The following PLCD3 variants were observed in gnomAD, a reference collection of about 807,000 sequenced individuals.
PLCD3 encodes the protein phospholipase C delta 3, also known as 1-phosphatidylinositol 4,5-bisphosphate phosphodiesterase delta-3.
Under a neutral mutation model 82.8 loss-of-function variants are expected in PLCD3, and 62 were observed. The observed-to-expected ratio is 0.75, with a 90% CI of 0.61 to 0.93. PLCD3 has a LOEUF of 0.93. Ranked by LOEUF, PLCD3 falls within the 40% of genes least tolerant of loss-of-function variation. The pLI is 0.00. For synonymous variants in PLCD3, 478 were observed against 471.8 expected, an observed-to-expected ratio of 1.01 and a Z score of -0.17; for missense variants, 1,023 against 1,103.4, an observed-to-expected ratio of 0.93 and a Z score of 1.03.
At position 45,112,415 on chromosome 17, in the gene PLCD3, T is replaced by C. The variant is rs2054250109; in HGVS notation, c.*201A>G. On this transcript the variant is annotated 3_prime_UTR_variant, in exon 15 of 15. Transcript: ENST00000619929. ...AGGGTTGGAGCTCACTGAAGTCACATGAACACCTTTCTGTTCTTCAGGAGG... is the reference window on the plus strand; with the variant it reads ...AGGGTTGGAGCTCACTGAAGTCACACGAACACCTTTCTGTTCTTCAGGAGG... The C allele has an allele frequency of 1.6e-6, 1 of 617,900 alleles. No individual in the cohort carries two copies. Among genetic ancestry groups the C allele is most frequent in the Non-Finnish European group, 2.9e-6 (1 of 349,198 alleles). 38.3% of individuals were successfully genotyped at this position (617,900 alleles called of 1,614,324 possible).
chr17:45,112,409 G>A lies in PLCD3; in HGVS notation c.*207C>T. On this transcript the variant is annotated 3_prime_UTR_variant, in exon 15 of 15. Transcript: ENST00000619929. The stretch of plus-strand genomic sequence containing the variant: ...GGCCCCAGGGTTGGAGCTCACTGAA[G>A]TCACATGAACACCTTTCTGTTCTTC... 1.7e-6 allele frequency: 1 copy of A among 602,934 alleles called. No individual in the cohort carries two copies. Among genetic ancestry groups the A allele is most frequent in the East Asian group, 2.8e-5 (1 of 35,284 alleles). The allele number at this position is 602,934 out of a possible 1,614,324, so 37.3% of individuals were successfully genotyped here. A position where few individuals can be genotyped will look rare whatever the true frequency, so the allele number is the denominator to read the frequency against.
At position 45,115,504 on chromosome 17, in the gene PLCD3, C is replaced by T. The variant is rs757102441; in HGVS notation, c.1414-14G>A. On this transcript the variant is annotated splice_polypyrimidine_tract_variant and intron_variant, in intron 8 of 14. Transcript: ENST00000619929. ...GCCCTTCAGCTGCTGTGGGGGCCAA[C>T]GTGGAGGATGAAGGGTTAGGCCTTC... The T allele has an allele frequency of 6.9e-6, 11 of 1,600,586 alleles. No homozygotes were observed. The highest frequency in any genetic ancestry group is 3.4e-5 in the Admixed American group (2 of 58,982).
At chr17:45,131,474 T>G (rs2054445380) in intron 1 of PLCD3, among the ~76,000 whole-genome samples, 2 of 152,184 alleles carry the variant, frequency 1.3e-5, no homozygotes, top group South Asian at 4.1e-4. Flanking sequence ...GCCCATGTGG[T>G]GGGGCACCAC....
At chr17:45,120,525 C>A in intron 3 of PLCD3, 71 bp from the exon 4 acceptor site, 1 of 1,601,610 alleles carries the variant, frequency 6.2e-7, no homozygotes, top group South Asian at 1.1e-5. Flanking sequence ...GCTGGTAAGT[C>A]ACCCCCACCT....
Position 45,114,340 on chromosome 17 carries a change from G to A in PLCD3, c.1738C>T (p.Arg580Cys), listed in dbSNP as rs960505327. 6.5e-6 allele frequency: 10 copies of A among 1,549,048 alleles called. No homozygotes were observed. The highest frequency in any genetic ancestry group is 1.7e-4 in the Middle Eastern group (1 of 5,970). ...AGNSFVRHNARQLTRVYPLGL... is the reference protein window; with the variant it reads ...AGNSFVRHNACQLTRVYPLGL... Reference sequence around the variant, plus strand: ...AGCGGGTACACGCGGGTCAGCTGGCGGGCATTGTGCCTGACAAAGCTGTTC... The same window carrying A: ...AGCGGGTACACGCGGGTCAGCTGGCAGGCATTGTGCCTGACAAAGCTGTTC... The change falls in exon 11 of 15, where the codon CGC (arginine) becomes TGC (cysteine). Residue 580 changes from arginine to cysteine, a missense_variant. By Grantham distance (180) the Arg-to-Cys change is radical. Around this residue, in one of 3 missense-constraint regions of PLCD3, gnomAD observed 553 missense variants for 655.7 expected, o/e 0.84. Coordinates refer to ENST00000619929, the MANE Select transcript of PLCD3 (RefSeq NM_133373.5).
At position 45,115,474 on chromosome 17, in the gene PLCD3, A is replaced by ACC; in HGVS notation, c.1428_1429dup (p.Val477GlyfsTer4). 2 of 1,610,484 alleles carry ACC rather than the reference A, an allele frequency of 1.2e-6. No individual in the cohort carries two copies. The highest frequency in any genetic ancestry group is 1.7e-6 in the Non-Finnish European group (2 of 1,178,716). On this transcript the variant is annotated frameshift_variant, in exon 9 of 15. Coordinates refer to ENST00000619929, the MANE Select transcript of PLCD3 (RefSeq NM_133373.5). LOFTEE classifies it high-confidence loss of function. ...GGGCAACTTCTTTCCCTTCACCAGG[A>ACC]CCCGGCCCTTCAGCTGCTGTGGGGG... is the stretch of plus-strand genomic sequence containing the variant.
chr17:45,121,405 C>A, intron 1 of PLCD3, 33 bp from the exon 2 acceptor site: 2 of 1,467,656 alleles, frequency 1.4e-6, no homozygotes, highest in South Asian at 2.7e-5. Context: ...GGCGTCAGGC[C>A]GTACCTGCCC....
intron 1 of PLCD3, among the ~76,000 whole-genome samples, chr17:45,124,040 C>T (rs959812978): frequency 4.7e-5 from 7 of 150,094 alleles, no homozygotes; most frequent in African/African-American, 1.2e-4. Context: ...GAGCCTGCAG[C>T]GCCACTACAC....
chr17:45,115,290 C>G lies in PLCD3; in HGVS notation c.1561-46G>C, dbSNP rs1474731737. On this transcript the variant is annotated intron_variant, in intron 9 of 14. Transcript: ENST00000619929. ...GGGTTCAGCTGGCCCCCGCTTCCCA[C>G]ATCCGTCCTCCCACCTTCCCCCCCT... The G allele has an allele frequency of 2.6e-6, 4 of 1,529,136 alleles. No individual in the cohort carries two copies. In the African/African-American group the frequency reaches 5.5e-5, roughly 21 times the overall value. 94.7% of individuals were successfully genotyped at this position (1,529,136 alleles called of 1,614,324 possible).
In PLCD3 at chr17:45,113,017, G is replaced by A. The variant is rs1163936744; in HGVS notation, c.2132-5C>T. On this transcript the variant is annotated splice_region_variant and splice_polypyrimidine_tract_variant and intron_variant, in intron 13 of 14. Coordinates refer to ENST00000619929, the MANE Select transcript of PLCD3 (RefSeq NM_133373.5). The stretch of plus-strand genomic sequence containing the variant: ...GCCCCCAGCGGGGGTTGAAGCCTAG[G>A]GCACAGGGATGGCAGTCAGAGCCCA... 6.2e-7 allele frequency: 1 copy of A among 1,603,276 alleles called. No individual in the cohort carries two copies. The highest frequency in any genetic ancestry group is 8.5e-7 in the Non-Finnish European group (1 of 1,173,398).
chr17:45,109,643 CT>C lies in PLCD3; in HGVS notation c.*2972del, dbSNP rs1200019571. The C allele has an allele frequency of 1.3e-5, 2 of 152,486 alleles. No homozygotes were observed. Among genetic ancestry groups the C allele is most frequent in the African/African-American group, 4.8e-5 (2 of 41,476 alleles). The allele number at this position is 152,486 out of a possible 1,614,324, so 9.4% of individuals were successfully genotyped here. A position where few individuals can be genotyped will look rare whatever the true frequency, so the allele number is the denominator to read the frequency against. ...AGAGGACACAGGACCTGCCTGACCC[CT>C]CTAAAGCCCCCCAACCCTCCTGTCC... On this transcript the variant is annotated 3_prime_UTR_variant, in exon 15 of 15. Transcript: ENST00000619929.
Position 45,112,955 on chromosome 17 carries a change from G to A in PLCD3, c.2189C>T (p.Ala730Val). The A allele has an allele frequency of 6.2e-7, 1 of 1,612,710 alleles. No homozygotes were observed. Among genetic ancestry groups the A allele is most frequent in the South Asian group, 1.1e-5 (1 of 90,832 alleles). ...ATCTTCCACCACAAACCGGACCAGT[G>A]CCAGCTCCGGAGCCCGCAGCTGGAA... ...LQFQLRAPELALVRFVVEDYD... is the reference protein window; with the variant it reads ...LQFQLRAPELVLVRFVVEDYD... The change falls in exon 14 of 15, where the codon GCA becomes GTA. Residue 730 changes from alanine (A) to valine (V), a missense_variant. By Grantham distance (64) the Ala-to-Val change is moderately conservative (BLOSUM62 0). Transcript: ENST00000619929.
rs1422489281 is a variant in PLCD3 at position 45,118,139 on chromosome 17, C to G, written c.1116-1G>C. On this transcript the variant is annotated splice_acceptor_variant, in intron 6 of 14. Coordinates refer to ENST00000619929, the MANE Select transcript of PLCD3 (RefSeq NM_133373.5). LOFTEE classifies it high-confidence loss of function. This position sits in a 1 kb window ranked among gnomAD's most constrained non-coding sequence, Gnocchi z 4.1. ...GCAGCGGCATCCCTGGGCAAAGGCCCTGTGTGTGGACAGATGGGTGGACGG... is the reference window on the plus strand; with the variant it reads ...GCAGCGGCATCCCTGGGCAAAGGCCGTGTGTGTGGACAGATGGGTGGACGG... The G allele has an allele frequency of 6.2e-7, 1 of 1,614,000 alleles. No individual in the cohort carries two copies. The highest frequency in any genetic ancestry group is 1.1e-5 in the South Asian group (1 of 91,080).
rs761029644 is a variant in PLCD3 at position 45,115,474 on chromosome 17, A to T, written c.1430T>A (p.Val477Asp). 1 of 1,610,484 alleles carries T rather than the reference A, an allele frequency of 6.2e-7. No individual in the cohort carries two copies. Among genetic ancestry groups the T allele is most frequent in the Non-Finnish European group, 8.5e-7 (1 of 1,178,716 alleles). Residue 477 changes from valine to aspartate, a missense_variant, in exon 9 of 15, where the codon GTC (valine) becomes GAC (aspartate). Around this residue, in one of 3 missense-constraint regions of PLCD3, gnomAD observed 553 missense variants for 655.7 expected, o/e 0.84. Coordinates refer to ENST00000619929, the MANE Select transcript of PLCD3 (RefSeq NM_133373.5). ...GGGCAACTTCTTTCCCTTCACCAGG[A>T]CCCGGCCCTTCAGCTGCTGTGGGGG... ...LPSPEQLKGR[V>D]LVKGKKLPAA...
chr17:45,115,190 G>T lies in PLCD3; in HGVS notation c.1615C>A (p.Arg539Ser). 6.3e-7 allele frequency: 1 copy of T among 1,584,548 alleles called. No individual in the cohort carries two copies. The highest frequency in any genetic ancestry group is 1.3e-5 in the African/African-American group (1 of 74,604). Reference protein sequence around the residue: ...SALAVYCHATRLRTLHPAPNA... With the variant: ...SALAVYCHATSLRTLHPAPNA... ...GGGGCAGGGTGCAGGGTCCGCAGGC[G>T]GGTGGCGTGGCAGTACACAGCCAGG... is the stretch of plus-strand genomic sequence containing the variant. Residue 539 changes from arginine to serine, a missense_variant, in exon 10 of 15, where the codon CGC becomes AGC. By Grantham distance (110) the Arg-to-Ser change is moderately radical. Around this residue, in one of 3 missense-constraint regions of PLCD3, gnomAD observed 553 missense variants for 655.7 expected, o/e 0.84. Coordinates refer to ENST00000619929, the MANE Select transcript of PLCD3 (RefSeq NM_133373.5).
At chr17:45,113,943 C>T (rs1006908073) in intron 11 of PLCD3, among the ~76,000 whole-genome samples, 16 of 152,136 alleles carry the variant, frequency 1.1e-4, no homozygotes, top group African/African-American at 1.4e-4. Context: ...TGGGGCTCAG[C>T]GTCCCCCAGA....
chr17:45,112,855 C>T lies in PLCD3; in HGVS notation c.2281+8G>A. 6.2e-7 allele frequency: 1 copy of T among 1,612,110 alleles called. No homozygotes were observed. Among genetic ancestry groups the T allele is most frequent in the East Asian group, 2.2e-5 (1 of 44,824 alleles). ...CATCCCTCTCCATCCCCACCAGCCT[C>T]CACCAACCTTGCTTTAGGCTGCTAA... On this transcript the variant is annotated splice_region_variant and intron_variant, in intron 14 of 14. Coordinates refer to ENST00000619929, the MANE Select transcript of PLCD3 (RefSeq NM_133373.5).
At chr17:45,130,594 A>C (rs941578555) in intron 1 of PLCD3, among the ~76,000 whole-genome samples, 91 of 152,282 alleles carry the variant, frequency 6.0e-4, no homozygotes, top group African/African-American at 2.0e-3. Flanking sequence ...AGTCCAGCCC[A>C]GTCTATCTCC....
At chr17:45,120,589 T>C in intron 3 of PLCD3, 135 bp from the exon 4 acceptor site, 1 of 1,144,298 alleles carries the variant, frequency 8.7e-7, no homozygotes, top group Non-Finnish European at 1.2e-6. Flanking sequence ...GCCTGTGCAC[T>C]CCCCGAGCAC....
Sources: allele counts gnomAD v4.1 joint callset (sites outside exome capture counted in the v4.1 genomes callset), GRCh38; gene constraint gnomAD v4.1.1; regional missense constraint gnomAD v4.1.1; non-coding constraint Gnocchi (gnomAD v3.1); transcripts MANE v1.5; gene names NCBI Gene and HGNC (gene_info 2026-07-23, HGNC 2026-07-21).